Variants in CAMTA1 observed in about 807,000 individuals in gnomAD.
CAMTA1 encodes the protein calmodulin binding transcription activator 1.
In CAMTA1, 27 loss-of-function variants were observed where a neutral mutation model predicts 170.9. The observed-to-expected ratio is 0.16, with a 90% CI of 0.12 to 0.22. The LOEUF (loss-of-function observed/expected upper bound fraction) is 0.22. Among genes scored for constraint, CAMTA1 ranks in the 10% least tolerant of loss-of-function variants. The pLI is 1.00. For missense variants in CAMTA1, 1,619 were observed against 2,217.2 expected, an observed-to-expected ratio of 0.73 and a Z score of 5.42; for synonymous variants, 833 against 891.5, an observed-to-expected ratio of 0.93 and a Z score of 1.17.
intron 16 of CAMTA1, among the ~76,000 whole-genome samples, chr1:7,744,370 GATC>G (rs2096842045): frequency 6.6e-6 from 1 of 151,886 alleles, no homozygotes; most frequent in Non-Finnish European, 1.5e-5. Context: ...GACCTCAAGT[GATC>G]CACCCACCTC....
intron 11 of CAMTA1, among the ~76,000 whole-genome samples, chr1:7,705,519 C>A (rs2096508921): frequency 6.7e-6 from 1 of 148,754 alleles, no homozygotes; most frequent in Non-Finnish European, 1.5e-5. Flanking sequence ...CGGGCGCGCG[C>A]GGGCGGGGCT....
chr1:7,755,802 G>T, intron 22 of CAMTA1, 134 bp downstream of exon 22: 1 of 765,878 alleles, frequency 1.3e-6, no homozygotes, highest in Non-Finnish European at 2.4e-6. Flanking sequence ...TTAAAATCAA[G>T]TAAAAACTAA....
intron 6 of CAMTA1, among the ~76,000 whole-genome samples, chr1:7,577,983 T>C (rs1386576544): frequency 2.6e-5 from 4 of 152,226 alleles, no homozygotes; most frequent in African/African-American, 9.6e-5. Flanking sequence ...TGCCGTCAGA[T>C]GAGTTCAGGG....
chr1:7,070,761 C>A (rs909167644), intron 3 of CAMTA1, among the ~76,000 whole-genome samples: 6 of 152,254 alleles, frequency 3.9e-5, no homozygotes, highest in Non-Finnish European at 8.8e-5. Context: ...AGGCAGCCCT[C>A]CAGCTTGTCA....
intron 11 of CAMTA1, among the ~76,000 whole-genome samples, chr1:7,714,730 C>T (rs980233498): frequency 4.6e-5 from 7 of 152,124 alleles, no homozygotes; most frequent in African/African-American, 1.7e-4. Context: ...CCATGTTGGT[C>T]AGGCTGGTCT....
At chr1:7,684,053 C>G (rs919927724) in intron 11 of CAMTA1, among the ~76,000 whole-genome samples, 2 of 152,192 alleles carry the variant, frequency 1.3e-5, no homozygotes, top group Non-Finnish European at 2.9e-5. Context: ...CTCTGTGTAG[C>G]AAGGAGTGGG....
At chr1:7,442,428 C>A (rs969382202) in intron 5 of CAMTA1, among the ~76,000 whole-genome samples, 1 of 152,064 alleles carries the variant, frequency 6.6e-6, no homozygotes, top group Non-Finnish European at 1.5e-5. Flanking sequence ...ATTTTAATAA[C>A]GAAATATGCA....
intron 4 of CAMTA1, among the ~76,000 whole-genome samples, chr1:7,233,689 A>G (rs1663258361): frequency 6.6e-6 from 1 of 152,104 alleles, no homozygotes; most frequent in African/African-American, 2.4e-5. Context: ...CCCTGCTTCA[A>G]AACCTCCAGT....
chr1:7,612,495 T>C (rs542148846), intron 6 of CAMTA1, among the ~76,000 whole-genome samples: 1 of 152,336 alleles, frequency 6.6e-6, no homozygotes, highest in South Asian at 2.1e-4. Flanking sequence ...CACGGTGGGC[T>C]AAAAGGCAAC....
In CAMTA1 at chr1:6,921,984, G is replaced by A. The variant is rs1682118704; in HGVS notation, c.234+96774G>A. Reference sequence around the variant, plus strand: ...ATTTGACCAAATGAGGCCATTAAAAGCCAGTTGTCAGCTACTGTATCATCA... The same window carrying A: ...ATTTGACCAAATGAGGCCATTAAAAACCAGTTGTCAGCTACTGTATCATCA... On this transcript the variant is annotated intron_variant, in intron 3 of 22. Coordinates refer to ENST00000303635, the MANE Select transcript of CAMTA1 (RefSeq NM_015215.4). Among the ~76,000 whole-genome samples, 3 of 152,126 alleles carry A rather than the reference G, an allele frequency of 2.0e-5. No homozygotes were observed. In the South Asian group the frequency reaches 6.2e-4, roughly 32 times the overall value.
intron 3 of CAMTA1, among the ~76,000 whole-genome samples, chr1:7,086,705 T>A (rs1217460864): frequency 6.6e-6 from 1 of 152,234 alleles, no homozygotes; most frequent in African/African-American, 2.4e-5. Flanking sequence ...CTCAGCATCA[T>A]GTTTTCAGTG....
At chr1:7,083,599 C>T (rs1259025702) in intron 3 of CAMTA1, among the ~76,000 whole-genome samples, 2 of 152,194 alleles carry the variant, frequency 1.3e-5, no homozygotes, top group South Asian at 2.1e-4. Context: ...CGGCTTCATG[C>T]ACAGGTGCCC....
chr1:7,708,377 A>C (rs906384445), intron 11 of CAMTA1, among the ~76,000 whole-genome samples: 32 of 152,048 alleles, frequency 2.1e-4, no homozygotes, highest in Non-Finnish European at 4.4e-5. Context: ...TTTCACCTCT[A>C]ATCTCTGCAC....
intron 4 of CAMTA1, among the ~76,000 whole-genome samples, chr1:7,111,747 T>C (rs940737074): frequency 6.6e-6 from 1 of 151,914 alleles, no homozygotes; most frequent in Non-Finnish European, 1.5e-5. Flanking sequence ...TAGCCAGGCG[T>C]GGTGGCACAT....
At chr1:7,560,643 GTGA>G (rs1226614808) in intron 6 of CAMTA1, among the ~76,000 whole-genome samples, 2 of 152,180 alleles carry the variant, frequency 1.3e-5, no homozygotes, top group Non-Finnish European at 2.9e-5. Flanking sequence ...GGAGTATGCT[GTGA>G]TGGATTGTGT....
rs1057124614 is a variant in CAMTA1 at position 7,547,148 on chromosome 1, C to A, written c.510+79247C>A. On this transcript the variant is annotated intron_variant, in intron 6 of 22. Transcript: ENST00000303635. This position sits in a 1 kb window ranked among gnomAD's most constrained non-coding sequence, Gnocchi z 5.7. Reference sequence around the variant, plus strand: ...CTGGGTCATTTGATATAAGCCCAATCATTCTTTGAGCACTTCCTTGCTTTC... The same window carrying A: ...CTGGGTCATTTGATATAAGCCCAATAATTCTTTGAGCACTTCCTTGCTTTC... 1.3e-5 allele frequency among the ~76,000 whole-genome samples: 2 copies of A among 152,140 alleles called. No individual in the cohort carries two copies. Among genetic ancestry groups the A allele is most frequent in the African/African-American group, 4.8e-5 (2 of 41,414 alleles).
rs139330971 is a variant in CAMTA1, at chr1:7,677,664, G to C, written c.2845G>C (p.Val949Leu). ...FNNQIISNSV[V>L]FEYKARALPT... ...CAACCAGATCATCTCCAACTCGGTG[G>C]TGTTTGAGTACAAAGCCCGGGCTCT... is the stretch of plus-strand genomic sequence containing the variant. Residue 949 changes from valine (V) to leucine (L), a missense_variant, in exon 11 of 23, where the codon GTG becomes CTG. Physicochemically the swap from Val to Leu is conservative, Grantham distance 32. This residue lies in a region of CAMTA1 where 143 missense variants were observed against 184.2 expected (regional missense o/e 0.78). Transcript: ENST00000303635. 1.2e-6 allele frequency: 2 copies of C among 1,614,062 alleles called. No individual in the cohort carries two copies. The highest frequency in any genetic ancestry group is 4.5e-5 in the East Asian group (2 of 44,896).
At chr1:7,475,675 G>A (rs2093409741) in intron 6 of CAMTA1, among the ~76,000 whole-genome samples, 1 of 152,226 alleles carries the variant, frequency 6.6e-6, no homozygotes, top group South Asian at 2.1e-4. Context: ...GTGCGTGACG[G>A]CCACTGAGCG....
intron 5 of CAMTA1, among the ~76,000 whole-genome samples, chr1:7,336,072 C>A (rs1261167546): frequency 2.0e-5 from 3 of 152,228 alleles, no homozygotes; most frequent in African/African-American, 7.2e-5. Flanking sequence ...AAAACAAAGA[C>A]CCAAATTGGC....
Sources: gnomAD v4.1 joint callset for allele counts (sites outside exome capture counted in the v4.1 genomes callset) on GRCh38, gnomAD v4.1.1 for gene constraint, gnomAD v4.1.1 regional missense constraint, Gnocchi (gnomAD v3.1) non-coding constraint, MANE v1.5 for transcripts, NCBI Gene and HGNC (gene_info 2026-07-23, HGNC 2026-07-21) for gene names.